MAML2: variants seen among roughly 807,000 people sequenced by gnomAD.
The protein encoded by MAML2 is mastermind like transcriptional coactivator 2, also known as mastermind-like protein 2.
MAML2 carries 22 observed loss-of-function variants against 96.1 expected under a neutral mutation model. The ratio of observed to expected loss-of-function variants is 0.23; its 90% CI spans 0.16 to 0.33. MAML2 has a LOEUF of 0.33. Ranked by LOEUF, MAML2 falls within the 10% of genes least tolerant of loss-of-function variation. The pLI is 1.00. For missense variants in MAML2, 1,367 were observed against 1,392.4 expected (o/e 0.98, Z 0.29); for synonymous variants, 561 against 521.3 (o/e 1.08, Z -1.04).
At chr11:96,207,848 CAT>C (rs1456888660) in intron 1 of MAML2, among the ~76,000 whole-genome samples, 1 of 152,198 alleles carries the variant, frequency 6.6e-6, no homozygotes, top group African/African-American at 2.4e-5. Context: ...CTTGTGTAAA[CAT>C]ATACGGTCAT....
intron 1 of MAML2, among the ~76,000 whole-genome samples, chr11:96,213,003 G>A (rs190040883): frequency 1.4e-4 from 21 of 152,248 alleles, no homozygotes; most frequent in African/African-American, 2.4e-4. Flanking sequence ...AACTCTATGA[G>A]CCTTTTCAAC....
rs1864001124 is a variant in MAML2, at chr11:96,341,862, C to G, written c.34G>C (p.Gly12Arg). 6.5e-7 allele frequency: 1 copy of G among 1,536,788 alleles called. No individual in the cohort carries two copies. The highest frequency in any genetic ancestry group is 8.7e-7 in the Non-Finnish European group (1 of 1,145,174). ...GCCCCAGAGGCCCCCCCTAGCCCTC[C>G]TGCGGGGGCCTGCGGGGGCGCTGTG... Reference protein sequence around the residue: ...GDTAPPQAPAGGLGGASGAGL... With the variant: ...GDTAPPQAPARGLGGASGAGL... Residue 12 changes from glycine to arginine, a missense_variant, in exon 1 of 5, where the codon GGA becomes CGA. Gly to Arg is a moderately radical substitution (Grantham distance 125, BLOSUM62 -2). Transcript: ENST00000524717.
chr11:96,064,831 T>G (rs781208861), intron 2 of MAML2, among the ~76,000 whole-genome samples: 1 of 152,252 alleles, frequency 6.6e-6, no homozygotes, highest in Non-Finnish European at 1.5e-5. Flanking sequence ...TCAATTGGTT[T>G]TAATTATTAA....
At chr11:96,136,655 T>C (rs1011154788) in intron 1 of MAML2, among the ~76,000 whole-genome samples, 2 of 152,220 alleles carry the variant, frequency 1.3e-5, no homozygotes, top group African/African-American at 4.8e-5. Flanking sequence ...TTAACTTTAA[T>C]ATGAGAAGTT....
intron 2 of MAML2, among the ~76,000 whole-genome samples, chr11:96,068,915 CTTTTTTTTTTTTTT>C: frequency 9.4e-6 from 1 of 106,504 alleles, no homozygotes; most frequent in East Asian, 2.8e-4. Flanking sequence ...TTCTTCCCTC[CTTTTTTTTTTTTTT>C]TTTTTTTTTA....
intron 3 of MAML2, among the ~76,000 whole-genome samples, chr11:95,986,648 C>G (rs181817823): frequency 3.3e-5 from 5 of 152,198 alleles, no homozygotes; most frequent in African/African-American, 9.6e-5. Context: ...ATTATTTCCA[C>G]CTAAAAAATA....
At chr11:96,309,679 C>T (rs1214062918) in intron 1 of MAML2, among the ~76,000 whole-genome samples, 2 of 149,966 alleles carry the variant, frequency 1.3e-5, no homozygotes, top group Non-Finnish European at 3.0e-5. Flanking sequence ...TGTGATATTC[C>T]ACCTCCCAAA....
chr11:96,123,763 G>C (rs935202945), intron 1 of MAML2, among the ~76,000 whole-genome samples: 1 of 151,982 alleles, frequency 6.6e-6, no homozygotes, highest in Non-Finnish European at 1.5e-5. Flanking sequence ...GGAGGACATC[G>C]GCTTCACAGA....
intron 1 of MAML2, among the ~76,000 whole-genome samples, chr11:96,328,438 C>T (rs1863813536): frequency 6.6e-6 from 1 of 151,942 alleles, no homozygotes; most frequent in Non-Finnish European, 1.5e-5. Context: ...GCAACCACAA[C>T]CAAATGACCT....
intron 1 of MAML2, among the ~76,000 whole-genome samples, chr11:96,327,384 A>G (rs969847543): frequency 1.3e-5 from 2 of 152,122 alleles, no homozygotes; most frequent in South Asian, 4.1e-4. Context: ...TGTCTTCTGG[A>G]GAAACTTCCT....
At chr11:96,144,352 G>C (rs1296404917) in intron 1 of MAML2, among the ~76,000 whole-genome samples, 1 of 152,178 alleles carries the variant, frequency 6.6e-6, no homozygotes, top group African/African-American at 2.4e-5. Context: ...ATCCATTGCT[G>C]ACTAGCATGC....
intron 1 of MAML2, among the ~76,000 whole-genome samples, chr11:96,108,230 T>C (rs888826842): frequency 6.6e-6 from 1 of 152,230 alleles, no homozygotes; most frequent in Non-Finnish European, 1.5e-5. Context: ...GCTTGGTTGG[T>C]GTGTGGGGAC....
In MAML2 at chr11:96,156,175, C is replaced by G. The variant is rs540376340; in HGVS notation, c.514-62658G>C. 2.0e-5 allele frequency among the ~76,000 whole-genome samples: 3 copies of G among 152,312 alleles called. No individual in the cohort carries two copies. The South Asian group carries it at 6.2e-4, about 32-fold the overall frequency. On this transcript the variant is annotated intron_variant, in intron 1 of 4. Transcript: ENST00000524717. ...GGTCAGACTCTCTCCCCCAACCACACAGAGGAGCCTGTTTTCTTCTGACCC... is the reference window on the plus strand; with the variant it reads ...GGTCAGACTCTCTCCCCCAACCACAGAGAGGAGCCTGTTTTCTTCTGACCC...
At chr11:96,032,856 C>A (rs1278251409) in intron 2 of MAML2, among the ~76,000 whole-genome samples, 2 of 152,146 alleles carry the variant, frequency 1.3e-5, no homozygotes, top group Admixed American at 6.5e-5. Flanking sequence ...CAGGGATACA[C>A]CAGCAGTTGC....
chr11:96,003,946 G>T (rs2135721011), intron 2 of MAML2, among the ~76,000 whole-genome samples: 1 of 152,200 alleles, frequency 6.6e-6, no homozygotes, highest in Non-Finnish European at 1.5e-5. Flanking sequence ...AGTAATAGCT[G>T]AGCATTACCA....
chr11:96,171,856 C>T (rs1861302898), intron 1 of MAML2, among the ~76,000 whole-genome samples: 1 of 152,260 alleles, frequency 6.6e-6, no homozygotes, highest in Non-Finnish European at 1.5e-5. Context: ...TTGCCTGCCA[C>T]CTTCTCCATT....
chr11:96,227,067 T>A (rs993632220), intron 1 of MAML2, among the ~76,000 whole-genome samples: 5 of 152,092 alleles, frequency 3.3e-5, no homozygotes, highest in Non-Finnish European at 2.9e-5. Flanking sequence ...TGTCAAGCTG[T>A]CTCCTACCTC....
chr11:96,106,449 T>C (rs1198555996), intron 1 of MAML2, among the ~76,000 whole-genome samples: 1 of 152,190 alleles, frequency 6.6e-6, no homozygotes, highest in East Asian at 1.9e-4. Context: ...ATTCATCATC[T>C]TAAAGGAGAG....
chr11:96,213,653 A>C (rs1446119078), intron 1 of MAML2, among the ~76,000 whole-genome samples: 1 of 152,150 alleles, frequency 6.6e-6, no homozygotes, highest in African/African-American at 2.4e-5. Context: ...GAACGGGCTG[A>C]TATTTACTCA....
Sources: allele counts gnomAD v4.1 joint callset (sites outside exome capture counted in the v4.1 genomes callset), GRCh38; gene constraint gnomAD v4.1.1; transcripts MANE v1.5; gene names NCBI Gene and HGNC (gene_info 2026-07-23, HGNC 2026-07-21).